The following SNX19 variants were observed in gnomAD, a reference collection of about 807,000 sequenced individuals.
SNX19 encodes the protein sorting nexin-19.
Under a neutral mutation model 85.2 loss-of-function variants are expected in SNX19, and 60 were observed. The observed-to-expected ratio is 0.70, with a 90% confidence interval of 0.57 to 0.87. The LOEUF (loss-of-function observed/expected upper bound fraction) is 0.87, where lower values mean the gene tolerates loss of function less well. SNX19 is among the 40% of genes least tolerant of loss of function. The pLI is 0.00. For synonymous variants in SNX19, 520 were observed against 470.0 expected (o/e 1.11, Z -1.38); for missense variants, 1,201 against 1,217.8 (o/e 0.99, Z 0.21).
At chr11:130,885,977 C>A (rs1168885309) in intron 8 of SNX19, among the ~76,000 whole-genome samples, 1 of 152,176 alleles carries the variant, frequency 6.6e-6, no homozygotes, top group East Asian at 1.9e-4. Flanking sequence ...ATAAAACATT[C>A]CACAACATCC....
chr11:130,913,613 C>A (rs998044473), intron 1 of SNX19, among the ~76,000 whole-genome samples: 2 of 152,160 alleles, frequency 1.3e-5, no homozygotes, highest in Non-Finnish European at 1.5e-5. Context: ...AAGTAAAATC[C>A]AATGGGTAGG....
chr11:130,911,068 G>A (rs994684537), intron 2 of SNX19, among the ~76,000 whole-genome samples: 3 of 151,884 alleles, frequency 2.0e-5, no homozygotes, highest in East Asian at 1.9e-4. Flanking sequence ...GGTGGCGGGC[G>A]CCTGTAATCC....
chr11:130,886,618 A>G (rs1194886941), intron 8 of SNX19, among the ~76,000 whole-genome samples: 1 of 152,154 alleles, frequency 6.6e-6, no homozygotes, highest in Admixed American at 6.5e-5. Flanking sequence ...GGCTCATCCA[A>G]TCAGTAGCAG....
At position 130,916,111 on chromosome 11, in the gene SNX19, G is replaced by C; in HGVS notation, c.-172C>G. On this transcript the variant is annotated 5_prime_UTR_variant, in exon 1 of 11. Transcript: ENST00000265909. ...CAGGCACTGCAAAGCGACAGCTGCA[G>C]CTCCGCGTCTCCCCATGGCTACCAC... 1 of 613,840 alleles carries C rather than the reference G, an allele frequency of 1.6e-6. No individual in the cohort carries two copies. The highest frequency in any genetic ancestry group is 2.9e-6 in the Non-Finnish European group (1 of 349,856). 38.0% of individuals were successfully genotyped at this position (613,840 alleles called of 1,614,324 possible). A position where few individuals can be genotyped will look rare whatever the true frequency, so the allele number is the denominator to read the frequency against.
rs1179580138 is a variant in SNX19, at chr11:130,876,303, C to T, written c.*2119G>A. On this transcript the variant is annotated 3_prime_UTR_variant, in exon 11 of 11. Coordinates refer to ENST00000265909, the MANE Select transcript of SNX19 (RefSeq NM_014758.3). ...AACCTGCTAGCCAAACTTGGCAGGT[C>T]GTTTTCAAAGCCAGATGAGTTCTGA... 2.0e-5 allele frequency: 3 copies of T among 152,212 alleles called. No individual in the cohort carries two copies. Among genetic ancestry groups the T allele is most frequent in the African/African-American group, 2.4e-5 (1 of 41,426 alleles). 9.4% of individuals were successfully genotyped at this position (152,212 alleles called of 1,614,324 possible).
At chr11:130,911,100 C>T (rs1397819460) in intron 2 of SNX19, among the ~76,000 whole-genome samples, 1 of 151,234 alleles carries the variant, frequency 6.6e-6, no homozygotes, top group Admixed American at 6.6e-5. Context: ...GAGGCTGAGG[C>T]AGGAGAATCG....
chr11:130,903,326 TTC>T lies in SNX19; in HGVS notation c.2500_2501del (p.Glu834ThrfsTer32). 6.2e-7 allele frequency: 1 copy of T among 1,613,784 alleles called. No homozygotes were observed. The highest frequency in any genetic ancestry group is 1.1e-5 in the South Asian group (1 of 91,066). On this transcript the variant is annotated frameshift_variant, in exon 8 of 11. Coordinates refer to ENST00000265909, the MANE Select transcript of SNX19 (RefSeq NM_014758.3). LOFTEE classifies it high-confidence loss of function. ...ALDLLLLLLT[E>X]QWKWLCTENM... ...TTTCGGTACATAGCCATTTCCACTG[TTC>T]TGTTAGTAGCAAGAGGAGCAGATCC...
chr11:130,880,586 T>G, intron 9 of SNX19, 36 bp downstream of exon 9: 1 of 1,517,798 alleles, frequency 6.6e-7, no homozygotes, highest in Admixed American at 1.8e-5. Flanking sequence ...GGAAGAGAAA[T>G]GTGATTGGTA....
In SNX19 at chr11:130,867,352, T is replaced by C. The variant is rs544292914; in HGVS notation, c.*11070A>G. ...TGAAAAGATGAAATGAGATGGCTGA[T>C]GGGAAACGCTCTGGGACATGAACAT... On this transcript the variant is annotated 3_prime_UTR_variant, in exon 11 of 11. Coordinates refer to ENST00000265909, the MANE Select transcript of SNX19 (RefSeq NM_014758.3). 1 of 152,326 alleles carries C rather than the reference T, an allele frequency of 6.6e-6. No homozygotes were observed. Among genetic ancestry groups the C allele is most frequent in the Admixed American group, 6.5e-5 (1 of 15,300 alleles). The allele number at this position is 152,326 out of a possible 1,614,324, so 9.4% of individuals were successfully genotyped here.
chr11:130,874,069 C>G lies in SNX19; in HGVS notation c.*4353G>C, dbSNP rs1168770271. 6.6e-6 allele frequency among the ~76,000 whole-genome samples: 1 copy of G among 151,652 alleles called. No homozygotes were observed. The highest frequency in any genetic ancestry group is 1.5e-5 in the Non-Finnish European group (1 of 67,958). ...TGGGGTCTCACTCTGTCACTTAAGGCTAGAATGCAGTGGTGTGATCGTAGC... is the reference window on the plus strand; with the variant it reads ...TGGGGTCTCACTCTGTCACTTAAGGGTAGAATGCAGTGGTGTGATCGTAGC... On this transcript the variant is annotated 3_prime_UTR_variant, in exon 11 of 11. Coordinates refer to ENST00000265909, the MANE Select transcript of SNX19 (RefSeq NM_014758.3).
At chr11:130,903,519 C>T in intron 7 of SNX19, 135 bp from the exon 8 acceptor site, 1 of 869,762 alleles carries the variant, frequency 1.1e-6, no homozygotes, top group Non-Finnish European at 1.6e-6. Flanking sequence ...CCTCTACACT[C>T]AAATCAAAAG....
At chr11:130,906,748 AG>A in intron 5 of SNX19, 27 bp from the exon 6 acceptor site, 1 of 1,544,456 alleles carries the variant, frequency 6.5e-7, no homozygotes, top group South Asian at 1.1e-5. Flanking sequence ...GAGCAGAAAC[AG>A]GTTGTAATTT....
chr11:130,877,641 G>C lies in SNX19; in HGVS notation c.*781C>G, dbSNP rs752617246. ...AAAATTCAAAAACTCAATTGCTCTA[G>C]GGCAGGGGGTTGGGAGCAAAGCCAA... is the stretch of plus-strand genomic sequence containing the variant. On this transcript the variant is annotated 3_prime_UTR_variant, in exon 11 of 11. Coordinates refer to ENST00000265909, the MANE Select transcript of SNX19 (RefSeq NM_014758.3). 1.3e-5 allele frequency: 2 copies of C among 152,590 alleles called. No homozygotes were observed. The highest frequency in any genetic ancestry group is 6.5e-5 in the Admixed American group (1 of 15,270). The allele number at this position is 152,590 out of a possible 1,614,324, so 9.5% of individuals were successfully genotyped here.
At chr11:130,904,712 T>A (rs1592348674) in intron 7 of SNX19, among the ~76,000 whole-genome samples, 1 of 145,996 alleles carries the variant, frequency 6.8e-6, no homozygotes, top group African/African-American at 2.5e-5. Flanking sequence ...TTGTTTTTTA[T>A]AATCATATGA....
chr11:130,889,738 G>A (rs1944366832), intron 8 of SNX19, among the ~76,000 whole-genome samples: 1 of 151,980 alleles, frequency 6.6e-6, no homozygotes, highest in Admixed American at 6.6e-5. Flanking sequence ...CTGGGTTGAT[G>A]GTCTGCTGAC....
In SNX19 at chr11:130,869,444, A is replaced by G. The variant is rs572256412; in HGVS notation, c.*8978T>C. The stretch of plus-strand genomic sequence containing the variant: ...CAGTATTTTCTCATCAGTTTTCAGA[A>G]AGTTTTTCGAGGATAAACTTGTAGA... On this transcript the variant is annotated 3_prime_UTR_variant, in exon 11 of 11. Transcript: ENST00000265909. 1 of 152,300 alleles carries G rather than the reference A, an allele frequency of 6.6e-6. No homozygotes were observed. Among genetic ancestry groups the G allele is most frequent in the East Asian group, 1.9e-4 (1 of 5,186 alleles). 9.4% of individuals were successfully genotyped at this position (152,300 alleles called of 1,614,324 possible).
chr11:130,910,158 C>T (rs780224890), intron 3 of SNX19, 21 bp from the exon 4 acceptor site: 6 of 1,614,088 alleles, frequency 3.7e-6, no homozygotes, highest in Non-Finnish European at 5.1e-6. Flanking sequence ...AAAACACACA[C>T]ACATTTTAAA....
chr11:130,884,901 T>C (rs1454384657), intron 8 of SNX19, among the ~76,000 whole-genome samples: 2 of 150,064 alleles, frequency 1.3e-5, no homozygotes, highest in East Asian at 2.0e-4. Context: ...AAATTACTTA[T>C]AATAAATCAT....
At chr11:130,890,061 T>G (rs533331700) in intron 8 of SNX19, among the ~76,000 whole-genome samples, 2 of 152,280 alleles carry the variant, frequency 1.3e-5, no homozygotes, top group East Asian at 3.9e-4. Flanking sequence ...TCTATTACTT[T>G]AGTAAGCAAC....
Sources: gnomAD v4.1 joint callset for allele counts (sites outside exome capture counted in the v4.1 genomes callset) on GRCh38, gnomAD v4.1.1 for gene constraint, MANE v1.5 for transcripts, NCBI Gene and HGNC (gene_info 2026-07-23, HGNC 2026-07-21) for gene names.